CNOT2: variants seen among roughly 807,000 people sequenced by gnomAD.
CNOT2 encodes CC chemokine receptor 4-negative regulator of transcription 2.
In CNOT2, 7 loss-of-function variants were observed where a neutral mutation model predicts 72.1. The observed-to-expected ratio is 0.10, with a 90% CI of 0.06 to 0.18. The LOEUF is 0.18. CNOT2 is among the 10% of genes least tolerant of loss of function. CNOT2 has a pLI of 1.00. For missense variants in CNOT2, 345 were observed against 660.3 expected (o/e 0.52, Z 5.23); for synonymous variants, 196 against 225.6 (o/e 0.87, Z 1.17).
rs777070422 is a variant in CNOT2 at position 70,320,695 on chromosome 12, CT to C, written c.238+1335del. ...AAATATCTAGCTATTTTAAAGCTAC[CT>C]TTTATTTCTTCAGAGCAACTGCAAA... On this transcript the variant is annotated intron_variant, in intron 4 of 15. Transcript: ENST00000229195. 9.2e-5 allele frequency among the ~76,000 whole-genome samples: 14 copies of C among 151,782 alleles called. No homozygotes were observed. The East Asian group carries it at 2.1e-3, about 23-fold the overall frequency.
At chr12:70,308,041 G>A (rs774114396) in intron 2 of CNOT2, 1 of 152,244 alleles carries the variant, frequency 6.6e-6, no homozygotes, top group Non-Finnish European at 1.5e-5. Flanking sequence ...CAGTCTCTCT[G>A]ACATGAGTTC....
intron 1 of CNOT2, among the ~76,000 whole-genome samples, chr12:70,260,291 A>T (rs1008562937): frequency 6.6e-6 from 1 of 152,084 alleles, no homozygotes; most frequent in Non-Finnish European, 1.5e-5. Context: ...TTGAGTACCA[A>T]AATAGACTTT....
At chr12:70,312,450 A>G (rs186069499) in intron 3 of CNOT2, among the ~76,000 whole-genome samples, 1 of 152,070 alleles carries the variant, frequency 6.6e-6, no homozygotes, top group Admixed American at 6.5e-5. Context: ...ATCTAAAAGT[A>G]TATAAAGAGA....
At chr12:70,307,621 T>C (rs535454591) in intron 2 of CNOT2, 68 of 152,288 alleles carry the variant, frequency 4.5e-4, no homozygotes, top group African/African-American at 1.5e-3. Context: ...GTAATTTCAA[T>C]GTATTTCGAT....
intron 1 of CNOT2, among the ~76,000 whole-genome samples, chr12:70,274,929 G>A (rs76668271): frequency 0.017 from 2,597 of 152,106 alleles, 46 homozygotes; most frequent in Admixed American, 0.044. Flanking sequence ...CCTATTAAAG[G>A]ACATCACGTC....
At chr12:70,281,373 G>A (rs780159206) in intron 2 of CNOT2, among the ~76,000 whole-genome samples, 28 of 152,106 alleles carry the variant, frequency 1.8e-4, no homozygotes, top group Non-Finnish European at 2.8e-4. Context: ...GTGAGCCACC[G>A]GTGCCCGATC....
intron 1 of CNOT2, among the ~76,000 whole-genome samples, chr12:70,266,499 G>A (rs1431543332): frequency 1.3e-5 from 2 of 152,128 alleles, no homozygotes; most frequent in East Asian, 3.8e-4. Context: ...TATCCTTGCT[G>A]ACTTTTGTTT....
At chr12:70,256,931 C>G (rs1958481637) in intron 1 of CNOT2, among the ~76,000 whole-genome samples, 1 of 152,138 alleles carries the variant, frequency 6.6e-6, no homozygotes, top group African/African-American at 2.4e-5. Flanking sequence ...AAAAACAAAA[C>G]TGACACCATA....
At chr12:70,265,559 A>G (rs1400538730) in intron 1 of CNOT2, among the ~76,000 whole-genome samples, 1 of 151,910 alleles carries the variant, frequency 6.6e-6, no homozygotes, top group African/African-American at 2.4e-5. Context: ...CCTTAGAGGT[A>G]CATCAGTTTT....
At chr12:70,336,415 C>T (rs1880707481) in intron 8 of CNOT2, 1 of 152,140 alleles carries the variant, frequency 6.6e-6, no homozygotes, top group Admixed American at 6.5e-5. Flanking sequence ...CTATTTTTAT[C>T]ACATAGTTTT....
chr12:70,316,670 A>C (rs914494678), intron 3 of CNOT2, among the ~76,000 whole-genome samples: 3 of 152,162 alleles, frequency 2.0e-5, no homozygotes, highest in Non-Finnish European at 4.4e-5. Context: ...AACCACCTTC[A>C]TGTAGTGGCA....
At chr12:70,287,039 T>G (rs947816966) in intron 2 of CNOT2, among the ~76,000 whole-genome samples, 3 of 152,060 alleles carry the variant, frequency 2.0e-5, no homozygotes, top group Admixed American at 6.6e-5. Flanking sequence ...TTTTTATAAT[T>G]TATCTGTAGG....
chr12:70,281,684 C>T (rs1399325126), intron 2 of CNOT2, among the ~76,000 whole-genome samples: 1 of 152,134 alleles, frequency 6.6e-6, no homozygotes, highest in Non-Finnish European at 1.5e-5. Flanking sequence ...TGTTCCTTTC[C>T]CTTTCTTTCA....
At chr12:70,330,870 A>G (rs1483721945) in intron 6 of CNOT2, 1 of 156,884 alleles carries the variant, frequency 6.4e-6, no homozygotes, top group Non-Finnish European at 1.4e-5. Context: ...CTCAAGTAAG[A>G]TTTGGTTTTG....
At chr12:70,325,505 T>G (rs1243715192) in intron 4 of CNOT2, among the ~76,000 whole-genome samples, 1 of 151,918 alleles carries the variant, frequency 6.6e-6, no homozygotes, top group Non-Finnish European at 1.5e-5. Context: ...ATCATTGTCT[T>G]TAATGCCTCA....
chr12:70,278,382 T>C, intron 2 of CNOT2, 108 bp downstream of exon 2: 1 of 663,720 alleles, frequency 1.5e-6, no homozygotes. Context: ...CACCTCAATT[T>C]GAAAATTTGG....
In CNOT2 at chr12:70,304,766, C is replaced by G. The variant is rs564010120; in HGVS notation, c.49-6129C>G. On this transcript the variant is annotated intron_variant, in intron 2 of 15. Coordinates refer to ENST00000229195, the MANE Select transcript of CNOT2 (RefSeq NM_014515.7). ...CCTTTTGTTTGTCTGTGCCCTGCCC[C>G]CAGAGGTGGAGCCTACAGAGGCAGG... 3.9e-5 allele frequency among the ~76,000 whole-genome samples: 6 copies of G among 152,354 alleles called. No individual in the cohort carries two copies. In the East Asian group the frequency reaches 1.2e-3, roughly 29 times the overall value.
At chr12:70,335,344 G>A (rs554788354) in intron 7 of CNOT2, 94 bp from the exon 8 acceptor site, 79 of 893,774 alleles carry the variant, frequency 8.8e-5, no homozygotes, top group Middle Eastern at 4.5e-4. Flanking sequence ...TAGGAAGAAG[G>A]CGCAATCATT....
chr12:70,254,842 A>G (rs1173428209), intron 1 of CNOT2, among the ~76,000 whole-genome samples: 1 of 151,918 alleles, frequency 6.6e-6, no homozygotes, highest in Non-Finnish European at 1.5e-5. Context: ...TTAGCCAGGC[A>G]TGGTGGCACG....
Sources: gnomAD v4.1 joint callset for allele counts (sites outside exome capture counted in the v4.1 genomes callset) on GRCh38, gnomAD v4.1.1 for gene constraint, MANE v1.5 for transcripts, NCBI Gene and HGNC (gene_info 2026-07-23, HGNC 2026-07-21) for gene names.